Variants in GNB1L observed in about 807,000 individuals in gnomAD.
GNB1L encodes the protein guanine nucleotide-binding protein subunit beta-like protein 1.
GNB1L carries 20 observed loss-of-function variants against 29.1 expected under a neutral mutation model. That is an observed-to-expected ratio of 0.69 (90% CI 0.48 to 1.00). GNB1L has a LOEUF of 1.00. GNB1L is among the 50% of genes least tolerant of loss of function. GNB1L has a pLI of 0.00. For missense variants in GNB1L, 421 were observed against 464.9 expected, an observed-to-expected ratio of 0.91 and a Z score of 0.87; for synonymous variants, 193 against 206.5, an observed-to-expected ratio of 0.93 and a Z score of 0.56.
chr22:19,822,605 C>T lies in GNB1L; in HGVS notation c.-20-1230G>A, dbSNP rs141609155. 9.4e-3 allele frequency among the ~76,000 whole-genome samples: 1,433 copies of T among 152,324 alleles called. 22 individuals carry two copies. The highest frequency in any genetic ancestry group is 0.036 in the South Asian group (174 of 4,830). ...GGGCAGCCTGTCACAGGGGGCCTTTCCCACTGGGCTCTGGGACAGTGGGGC... is the reference window on the plus strand; with the variant it reads ...GGGCAGCCTGTCACAGGGGGCCTTTTCCACTGGGCTCTGGGACAGTGGGGC... On this transcript the variant is annotated intron_variant, in intron 2 of 7. Coordinates refer to ENST00000329517, the MANE Select transcript of GNB1L (RefSeq NM_053004.3).
At chr22:19,831,360 A>C (rs1937676909) in intron 2 of GNB1L, among the ~76,000 whole-genome samples, 1 of 139,276 alleles carries the variant, frequency 7.2e-6, no homozygotes, top group Non-Finnish European at 1.5e-5. Context: ...GTAAGACTCT[A>C]TCTAAAAAAA....
In GNB1L at chr22:19,820,685, G is replaced by A. The variant is rs149599532; in HGVS notation, c.167C>T (p.Thr56Met). The A allele has an allele frequency of 1.7e-4, 281 of 1,613,682 alleles. No individual in the cohort carries two copies. Among genetic ancestry groups the A allele is most frequent in the Middle Eastern group, 5.0e-4 (3 of 6,058 alleles). ...ATCCAGGGTGGTAACCGCTCTCCGCGTCTGCAGGCTCCAGATGTGTACCAG... is the reference window on the plus strand; with the variant it reads ...ATCCAGGGTGGTAACCGCTCTCCGCATCTGCAGGCTCCAGATGTGTACCAG... ...SGLVHIWSLQ[T>M]RRAVTTLDGH... Residue 56 changes from threonine to methionine, a missense_variant, in exon 4 of 8, where the codon ACG (threonine) becomes ATG (methionine). By Grantham distance (81) the Thr-to-Met change is moderately conservative. Coordinates refer to ENST00000329517, the MANE Select transcript of GNB1L (RefSeq NM_053004.3).
chr22:19,819,443 TG>T (rs984341088), intron 4 of GNB1L, among the ~76,000 whole-genome samples: 4 of 152,178 alleles, frequency 2.6e-5, no homozygotes, highest in Non-Finnish European at 2.9e-5. Context: ...TGCGGACCCC[TG>T]GCCAGGGCGA....
chr22:19,851,503 A>G, intron 2 of GNB1L: 1 of 1,614,034 alleles, frequency 6.2e-7, no homozygotes, highest in Non-Finnish European at 8.5e-7. Context: ...GCTCGAACAG[A>G]GCACTTCTAG....
At position 19,811,114 on chromosome 22, in the gene GNB1L, A is replaced by G. The variant is rs118013001; in HGVS notation, c.417+1171T>C. 5.9e-5 allele frequency among the ~76,000 whole-genome samples: 9 copies of G among 152,360 alleles called. No homozygotes were observed. In the East Asian group the frequency reaches 1.7e-3, roughly 29 times the overall value. Reference sequence around the variant, plus strand: ...TTCTCACATAAATACAACTTGTAACAGGTTTTTGGCAGATTGGCAAGAAAA... The same window carrying G: ...TTCTCACATAAATACAACTTGTAACGGGTTTTTGGCAGATTGGCAAGAAAA... On this transcript the variant is annotated intron_variant, in intron 5 of 7. Transcript: ENST00000329517.
Position 19,802,175 on chromosome 22 carries a change from C to T in GNB1L, c.558G>A (p.Glu186=), listed in dbSNP as rs1456943095. ...SSRPLLLAGY[E]DGSVVLWDVS... ...CGTCCCACAGGACCACCGATCCATC[C>T]TCATAGCCGGCCAGAAGGAGTGGGC... Residue 186 remains glutamate (E), a synonymous_variant, in exon 7 of 8, where the codon GAG becomes GAA. Transcript: ENST00000329517. 1.2e-6 allele frequency: 2 copies of T among 1,613,106 alleles called. No individual in the cohort carries two copies. Among genetic ancestry groups the T allele is most frequent in the Admixed American group, 1.7e-5 (1 of 60,006 alleles).
At chr22:19,836,363 A>G (rs1937764738) in intron 2 of GNB1L, among the ~76,000 whole-genome samples, 2 of 149,226 alleles carry the variant, frequency 1.3e-5, no homozygotes, top group African/African-American at 5.0e-5. Flanking sequence ...GTATCAATTA[A>G]AGGAATCACA....
In GNB1L at chr22:19,788,612, T is replaced by G. The variant is rs1362074209; in HGVS notation, c.*97A>C. ...CCATGGTCCTTGGGCCATGACTTGC[T>G]GGTCCTCAGAGGCCCTTGAGGTTTC... On this transcript the variant is annotated 3_prime_UTR_variant, in exon 8 of 8. Coordinates refer to ENST00000329517, the MANE Select transcript of GNB1L (RefSeq NM_053004.3). 1.4e-6 allele frequency: 2 copies of G among 1,453,412 alleles called. No homozygotes were observed. The highest frequency in any genetic ancestry group is 1.9e-6 in the Non-Finnish European group (2 of 1,034,832). The allele number at this position is 1,453,412 out of a possible 1,614,324, so 90.0% of individuals were successfully genotyped here.
At chr22:19,851,245 C>CT in intron 2 of GNB1L, 1 of 1,605,236 alleles carries the variant, frequency 6.2e-7, no homozygotes, top group African/African-American at 1.3e-5. Context: ...CTAAGGACAC[C>CT]TCCTGGTCTC....
intron 7 of GNB1L, among the ~76,000 whole-genome samples, chr22:19,796,672 G>A (rs1028963384): frequency 6.6e-6 from 1 of 152,178 alleles, no homozygotes; most frequent in African/African-American, 2.4e-5. Context: ...AATGGGGTCT[G>A]CCTGGAAGTG....
At position 19,851,399 on chromosome 22, in the gene GNB1L, G is replaced by A. The variant is rs139112255; in HGVS notation, c.-21+3044C>T. Reference sequence around the variant, plus strand: ...GGCTGCCTCCTCTGGCTGGGAAGAGGCTGGTTCCACAGGACCAGGCTTGGA... The same window carrying A: ...GGCTGCCTCCTCTGGCTGGGAAGAGACTGGTTCCACAGGACCAGGCTTGGA... On this transcript the variant is annotated intron_variant, in intron 2 of 7. Transcript: ENST00000329517. The A allele has an allele frequency of 1.4e-5, 22 of 1,614,084 alleles. No homozygotes were observed. The African/African-American group carries it at 2.7e-4, about 20-fold the overall frequency.
chr22:19,820,706 A>G lies in GNB1L; in HGVS notation c.146T>C (p.Val49Ala), dbSNP rs111628424. The G allele has an allele frequency of 6.2e-6, 10 of 1,612,630 alleles. No homozygotes were observed. The highest frequency in any genetic ancestry group is 4.0e-5 in the African/African-American group (3 of 75,040). ...LLFSGSQSGLVHIWSLQTRRA... is the reference protein window; with the variant it reads ...LLFSGSQSGLAHIWSLQTRRA... ...CCGCGTCTGCAGGCTCCAGATGTGTACCAGGCCACTCTGAGACCTGTTTCA... is the reference window on the plus strand; with the variant it reads ...CCGCGTCTGCAGGCTCCAGATGTGTGCCAGGCCACTCTGAGACCTGTTTCA... Residue 49 changes from valine (V) to alanine (A), a missense_variant, in exon 4 of 8, where the codon GTA becomes GCA. Transcript: ENST00000329517.
At position 19,788,739 on chromosome 22, in the gene GNB1L, G is replaced by A; in HGVS notation, c.954C>T (p.Ile318=). Residue 318 remains isoleucine, a synonymous_variant, in exon 8 of 8, where the codon ATC becomes ATT. Coordinates refer to ENST00000329517, the MANE Select transcript of GNB1L (RefSeq NM_053004.3). ...LLAAGSKDQR[I]SLWSLYPRA ...CGCGTGGGTAGAGTGACCAGAGGCT[G>A]ATCCGCTGATCCTTGGAGCCCGCGG... 1 of 1,611,230 alleles carries A rather than the reference G, an allele frequency of 6.2e-7. No individual in the cohort carries two copies. Among genetic ancestry groups the A allele is most frequent in the Non-Finnish European group, 8.5e-7 (1 of 1,178,730 alleles).
chr22:19,845,059 G>A (rs1390801153), intron 2 of GNB1L, among the ~76,000 whole-genome samples: 1 of 152,194 alleles, frequency 6.6e-6, no homozygotes, highest in Non-Finnish European at 1.5e-5. Context: ...AAGCAAGCTG[G>A]GGCTGACACT....
intron 2 of GNB1L, among the ~76,000 whole-genome samples, chr22:19,821,977 C>A (rs1937583185): frequency 6.6e-6 from 1 of 152,318 alleles, no homozygotes; most frequent in South Asian, 2.1e-4. Context: ...AGTCTCCCTT[C>A]TTCTCTCCTC....
chr22:19,809,923 C>T (rs768511098), intron 5 of GNB1L, among the ~76,000 whole-genome samples: 8 of 152,164 alleles, frequency 5.3e-5, no homozygotes, highest in East Asian at 1.9e-4. Flanking sequence ...TACAGGTGTG[C>T]GGCCACCAGG....
intron 2 of GNB1L, among the ~76,000 whole-genome samples, chr22:19,829,252 A>G (rs1937647622): frequency 6.6e-6 from 1 of 152,260 alleles, no homozygotes; most frequent in Non-Finnish European, 1.5e-5. Context: ...TTACACTCTC[A>G]TAACAGAGCC....
At position 19,848,071 on chromosome 22, in the gene GNB1L, C is replaced by T. The variant is rs1938008448; in HGVS notation, c.-21+6372G>A. 8.1e-6 allele frequency: 8 copies of T among 985,258 alleles called. No homozygotes were observed. The South Asian group carries it at 2.3e-4, about 29-fold the overall frequency. 61.0% of individuals were successfully genotyped at this position (985,258 alleles called of 1,614,324 possible). On this transcript the variant is annotated intron_variant, in intron 2 of 7. Transcript: ENST00000329517. ...CTGCTCATCTGTCCACATCTAAGTG[C>T]TTTAACTATTGTGGCTTTATAAAAT...
chr22:19,826,968 T>C (rs775809344), intron 2 of GNB1L, among the ~76,000 whole-genome samples: 2 of 152,102 alleles, frequency 1.3e-5, no homozygotes, highest in Non-Finnish European at 2.9e-5. Context: ...AGGAAAACGC[T>C]GGGTAACTTC....
Sources: gnomAD v4.1 joint callset for allele counts (sites outside exome capture counted in the v4.1 genomes callset) on GRCh38, gnomAD v4.1.1 for gene constraint, MANE v1.5 for transcripts, NCBI Gene and HGNC (gene_info 2026-07-23, HGNC 2026-07-21) for gene names.